GMCL1: variants seen among roughly 807,000 people sequenced by gnomAD.
GMCL1 encodes germ cell-less 1, spermatogenesis associated, also known as germ cell-less protein-like 1.
A neutral mutation model predicts 75.5 loss-of-function variants in GMCL1; 54 were observed. The observed-to-expected ratio is 0.71, with a 90% CI of 0.57 to 0.90. The LOEUF is 0.90. Among genes scored for constraint, GMCL1 ranks in the 40% least tolerant of loss-of-function variants. GMCL1 has a pLI of 0.00. For synonymous variants in GMCL1, 210 were observed against 209.6 expected (o/e 1.00, Z -0.02); for missense variants, 537 against 622.7 (o/e 0.86, Z 1.47).
chr2:69,849,453 C>G (rs544969849), intron 7 of GMCL1, among the ~76,000 whole-genome samples, 199 bp from the exon 8 acceptor site: 83 of 152,330 alleles, frequency 5.4e-4, no homozygotes, highest in African/African-American at 1.8e-3. Context: ...GTGTGAGCCA[C>G]AGCACCCAGC....
intron 13 of GMCL1, among the ~76,000 whole-genome samples, chr2:69,877,596 T>C (rs962469518): frequency 6.6e-6 from 1 of 152,228 alleles, no homozygotes; most frequent in Non-Finnish European, 1.5e-5. Context: ...GCATAATTCC[T>C]CTCTGGTGAC....
chr2:69,852,084 TAGAAG>T (rs1675334398), intron 8 of GMCL1, among the ~76,000 whole-genome samples: 1 of 152,042 alleles, frequency 6.6e-6, no homozygotes, highest in Non-Finnish European at 1.5e-5. Flanking sequence ...AGCATTTAAA[TAGAAG>T]AGAGAGAAAA....
chr2:69,868,140 C>G (rs1018577670), intron 11 of GMCL1, among the ~76,000 whole-genome samples: 1 of 152,124 alleles, frequency 6.6e-6, no homozygotes, highest in Admixed American at 6.5e-5. Flanking sequence ...TGGTATGCAC[C>G]TGCAATTCCA....
chr2:69,837,668 CAAGT>C lies in GMCL1; in HGVS notation c.384+4_384+7del, dbSNP rs1221430913. On this transcript the variant is annotated splice_donor_variant and coding_sequence_variant, in exon 2 of 14. Transcript: ENST00000282570. LOFTEE classifies it high-confidence loss of function. The stretch of plus-strand genomic sequence containing the variant: ...GAGCTTACACAAAATATATTTATGT[CAAGT>C]AAGTATTTTTTCTATTTGAGTAACA... The C allele has an allele frequency of 3.1e-6, 5 of 1,593,652 alleles. No homozygotes were observed. Among genetic ancestry groups the C allele is most frequent in the East Asian group, 2.3e-5 (1 of 44,396 alleles).
Position 69,861,351 on chromosome 2 carries a change from A to C in GMCL1, c.1142+4A>C. 2 of 1,585,382 alleles carry C rather than the reference A, an allele frequency of 1.3e-6. No homozygotes were observed. Among genetic ancestry groups the C allele is most frequent in the Non-Finnish European group, 1.7e-6 (2 of 1,157,086 alleles). On this transcript the variant is annotated splice_donor_region_variant and intron_variant, in intron 10 of 13. Transcript: ENST00000282570. ...CAGAACAGGACAGTGAGGTGGGGTA[A>C]GTATATTATACCTTATCATTTTTCA...
intron 1 of GMCL1, among the ~76,000 whole-genome samples, chr2:69,834,777 A>G (rs1051324852): frequency 2.6e-5 from 4 of 152,076 alleles, no homozygotes; most frequent in African/African-American, 9.7e-5. Flanking sequence ...ATTTTTTTCC[A>G]TTAATTTCTT....
chr2:69,839,281 C>T (rs1290308420), intron 2 of GMCL1, among the ~76,000 whole-genome samples, 176 bp from the exon 3 acceptor site: 1 of 152,108 alleles, frequency 6.6e-6, no homozygotes, highest in Admixed American at 6.6e-5. Context: ...CTAATAGTGT[C>T]CTTATCTTAA....
chr2:69,835,029 C>T (rs1159503620), intron 1 of GMCL1, among the ~76,000 whole-genome samples: 2 of 151,972 alleles, frequency 1.3e-5, no homozygotes, highest in Admixed American at 6.6e-5. Context: ...TGCTGTGATC[C>T]ATGAAAGCTT....
intron 8 of GMCL1, among the ~76,000 whole-genome samples, chr2:69,854,120 GTATTAT>G (rs70954364): frequency 8.1e-4 from 116 of 143,996 alleles, no homozygotes; most frequent in Non-Finnish European, 1.1e-3. Flanking sequence ...TCTATTTTCA[GTATTAT>G]TATTATTATT....
At chr2:69,830,645 A>G (rs892631292) in intron 1 of GMCL1, among the ~76,000 whole-genome samples, 3 of 152,184 alleles carry the variant, frequency 2.0e-5, no homozygotes, top group Non-Finnish European at 2.9e-5. Flanking sequence ...AAGTTTATCA[A>G]TAGTGTACAT....
intron 10 of GMCL1, among the ~76,000 whole-genome samples, chr2:69,863,812 T>A (rs978495281): frequency 6.6e-6 from 1 of 152,224 alleles, no homozygotes; most frequent in African/African-American, 2.4e-5. Flanking sequence ...GCACTAAATG[T>A]GCACTAAATT....
chr2:69,869,437 AAAAG>A (rs1207903231), intron 11 of GMCL1: 2 of 218,858 alleles, frequency 9.1e-6, no homozygotes, highest in East Asian at 1.1e-4. Context: ...AAAAAAAAAA[AAAAG>A]CCTTATTATT....
At chr2:69,861,003 C>G (rs564469269) in intron 9 of GMCL1, among the ~76,000 whole-genome samples, 1 of 152,162 alleles carries the variant, frequency 6.6e-6, no homozygotes, top group Non-Finnish European at 1.5e-5. Flanking sequence ...CCACCACACC[C>G]GGCTAATTTT....
chr2:69,879,242 T>A lies in GMCL1; in HGVS notation c.*238T>A, dbSNP rs1676212216. 1 of 293,852 alleles carries A rather than the reference T, an allele frequency of 3.4e-6. No homozygotes were observed. The highest frequency in any genetic ancestry group is 6.3e-6 in the Non-Finnish European group (1 of 159,066). The allele number at this position is 293,852 out of a possible 1,614,324, so 18.2% of individuals were successfully genotyped here. On this transcript the variant is annotated 3_prime_UTR_variant, in exon 14 of 14. Coordinates refer to ENST00000282570, the MANE Select transcript of GMCL1 (RefSeq NM_178439.5). ...CATTTTAAAGCCAAGAAAATATCTGTCAAACCATTTCTGTTAGAACGATGT... is the reference window on the plus strand; with the variant it reads ...CATTTTAAAGCCAAGAAAATATCTGACAAACCATTTCTGTTAGAACGATGT...
intron 5 of GMCL1, among the ~76,000 whole-genome samples, chr2:69,843,803 T>C (rs1245447447): frequency 6.6e-6 from 1 of 152,212 alleles, no homozygotes; most frequent in Admixed American, 6.5e-5. Context: ...GTAGGCCTGA[T>C]AGACTGACAG....
At chr2:69,849,499 C>A (rs1675248464) in intron 7 of GMCL1, among the ~76,000 whole-genome samples, 153 bp from the exon 8 acceptor site, 1 of 152,108 alleles carries the variant, frequency 6.6e-6, no homozygotes, top group Non-Finnish European at 1.5e-5. Context: ...AAATTGAGTG[C>A]TTATAGTTGT....
intron 9 of GMCL1, among the ~76,000 whole-genome samples, chr2:69,856,389 A>G (rs1250628792): frequency 2.0e-5 from 3 of 152,164 alleles, no homozygotes; most frequent in South Asian, 4.1e-4. Flanking sequence ...TGTTTAATTA[A>G]AAGTTGAATT....
chr2:69,848,193 T>C (rs1266731083), intron 7 of GMCL1, among the ~76,000 whole-genome samples: 1 of 152,238 alleles, frequency 6.6e-6, no homozygotes, highest in Non-Finnish European at 1.5e-5. Flanking sequence ...TTGGGAGTCC[T>C]AGTCCATTGC....
In GMCL1 at chr2:69,880,248, T is replaced by C. The variant is rs1339311919; in HGVS notation, c.*1244T>C. The C allele has an allele frequency of 1.3e-5, 2 of 152,148 alleles. No individual in the cohort carries two copies. The highest frequency in any genetic ancestry group is 3.8e-4 in the East Asian group (2 of 5,200). 9.4% of individuals were successfully genotyped at this position (152,148 alleles called of 1,614,324 possible). A position where few individuals can be genotyped will look rare whatever the true frequency, so the allele number is the denominator to read the frequency against. ...TATCTGTGCAAATAATAAATGCCCA[T>C]TTGGAAAAAGAGTAAGCTCTTACAT... is the stretch of plus-strand genomic sequence containing the variant. On this transcript the variant is annotated 3_prime_UTR_variant, in exon 14 of 14. Coordinates refer to ENST00000282570, the MANE Select transcript of GMCL1 (RefSeq NM_178439.5).
Sources: allele counts gnomAD v4.1 joint callset (sites outside exome capture counted in the v4.1 genomes callset), GRCh38; gene constraint gnomAD v4.1.1; transcripts MANE v1.5; gene names NCBI Gene and HGNC (gene_info 2026-07-23, HGNC 2026-07-21).